The following STXBP6 variants were observed in gnomAD, a reference collection of about 807,000 sequenced individuals.
STXBP6 encodes syntaxin binding protein 6.
STXBP6 carries 21 observed loss-of-function variants against 26.9 expected under a neutral mutation model. The ratio of observed to expected loss-of-function variants is 0.78; its 90% CI spans 0.55 to 1.12. STXBP6 has a LOEUF of 1.12. Ranked by LOEUF, STXBP6 falls within the 50% of genes most tolerant of loss-of-function variation. The pLI is 0.00. For synonymous variants in STXBP6, 97 were observed against 92.6 expected (o/e 1.05, Z -0.27); for missense variants, 232 against 257.9 (o/e 0.90, Z 0.69).
At chr14:24,913,941 T>C (rs2071664962) in intron 2 of STXBP6, among the ~76,000 whole-genome samples, 1 of 152,108 alleles carries the variant, frequency 6.6e-6, no homozygotes, top group Non-Finnish European at 1.5e-5. Flanking sequence ...TTCCCTTTCA[T>C]CTCCTGAGCC....
chr14:24,867,419 C>T (rs1226325012), intron 2 of STXBP6, among the ~76,000 whole-genome samples: 1 of 152,122 alleles, frequency 6.6e-6, no homozygotes, highest in African/African-American at 2.4e-5. Context: ...AGACAATAAA[C>T]TAATCAGGAC....
At chr14:24,956,182 GA>G (rs369493364) in intron 2 of STXBP6, among the ~76,000 whole-genome samples, 869 of 148,754 alleles carry the variant, frequency 5.8e-3, no homozygotes, top group African/African-American at 0.02. Context: ...AATTAAGGGA[GA>G]AAAAAAAAAT....
chr14:24,870,982 T>C (rs1302414434), intron 2 of STXBP6, among the ~76,000 whole-genome samples: 2 of 152,200 alleles, frequency 1.3e-5, no homozygotes, highest in Non-Finnish European at 2.9e-5. Flanking sequence ...TCTTGTTATC[T>C]GCCACGGTGC....
intron 2 of STXBP6, among the ~76,000 whole-genome samples, chr14:24,949,395 A>G (rs911692360): frequency 1.3e-5 from 2 of 152,124 alleles, no homozygotes; most frequent in African/African-American, 4.8e-5. Context: ...AACTAAAGAG[A>G]TGGAAAGTGG....
In STXBP6 at chr14:24,991,017, GAA is replaced by G. The variant is rs202061723; in HGVS notation, c.-32-16169_-32-16168del. ...AGAAAAAGGAGAGTAGGAGGAGAGAGAAAGAGAAGAGAGACAGAAGAGAGAGG... is the reference window on the plus strand; with the variant it reads ...AGAAAAAGGAGAGTAGGAGGAGAGAGAGAGAAGAGAGACAGAAGAGAGAGG... On this transcript the variant is annotated intron_variant, in intron 1 of 5. Coordinates refer to ENST00000323944, the MANE Select transcript of STXBP6 (RefSeq NM_001394410.1). 6.9e-3 allele frequency among the ~76,000 whole-genome samples: 1,045 copies of G among 151,360 alleles called. 10 individuals carry two copies. Among genetic ancestry groups the G allele is most frequent in the African/African-American group, 0.024 (980 of 41,236 alleles).
In STXBP6 at chr14:25,049,385, G is replaced by C; in HGVS notation, c.-33+493C>G. 1 of 985,406 alleles carries C rather than the reference G, an allele frequency of 1.0e-6. No homozygotes were observed. The highest frequency in any genetic ancestry group is 1.2e-6 in the Non-Finnish European group (1 of 829,940). The allele number at this position is 985,406 out of a possible 1,614,324, so 61.0% of individuals were successfully genotyped here. ...GCCAGAAAAGCTCGCCTCAGTTTTGGCAGTAATGATTTTCCTAGAAGATGC... is the reference window on the plus strand; with the variant it reads ...GCCAGAAAAGCTCGCCTCAGTTTTGCCAGTAATGATTTTCCTAGAAGATGC... On this transcript the variant is annotated intron_variant, in intron 1 of 5. Coordinates refer to ENST00000323944, the MANE Select transcript of STXBP6 (RefSeq NM_001394410.1). This position sits in a 1 kb window ranked among gnomAD's most constrained non-coding sequence, Gnocchi z 5.6.
chr14:24,906,287 A>G (rs2071383940), intron 2 of STXBP6, among the ~76,000 whole-genome samples: 1 of 152,194 alleles, frequency 6.6e-6, no homozygotes, highest in Non-Finnish European at 1.5e-5. Flanking sequence ...GGTTAAAGAC[A>G]TATTAATGAT....
rs187036691 is a variant in STXBP6 at position 25,036,684 on chromosome 14, C to T, written c.-33+13194G>A. 4.2e-3 allele frequency among the ~76,000 whole-genome samples: 633 copies of T among 152,050 alleles called. 4 individuals carry two copies. The highest frequency in any genetic ancestry group is 0.014 in the African/African-American group (576 of 41,478). On this transcript the variant is annotated intron_variant, in intron 1 of 5. Transcript: ENST00000323944. ...CCTGGCTAACAGAGTGAAACCCCGTCTCTACTAAAAATATACAAAAAATTA... is the reference window on the plus strand; with the variant it reads ...CCTGGCTAACAGAGTGAAACCCCGTTTCTACTAAAAATATACAAAAAATTA...
At chr14:24,988,765 C>T (rs2074395445) in intron 1 of STXBP6, among the ~76,000 whole-genome samples, 1 of 152,118 alleles carries the variant, frequency 6.6e-6, no homozygotes, top group Non-Finnish European at 1.5e-5. Context: ...CTGCAGGGAA[C>T]CATTTCTGCA....
chr14:24,971,677 C>G (rs965984334), intron 2 of STXBP6, among the ~76,000 whole-genome samples: 1 of 152,188 alleles, frequency 6.6e-6, no homozygotes, highest in Non-Finnish European at 1.5e-5. Context: ...GCCCTCTCAC[C>G]CACACAATCC....
intron 2 of STXBP6, among the ~76,000 whole-genome samples, chr14:24,909,537 G>C (rs933344618): frequency 6.6e-6 from 1 of 151,950 alleles, no homozygotes; most frequent in East Asian, 2.0e-4. Flanking sequence ...TCCCAGCACT[G>C]TAGGAAGGCA....
At chr14:24,990,234 G>A (rs1325796792) in intron 1 of STXBP6, among the ~76,000 whole-genome samples, 1 of 152,180 alleles carries the variant, frequency 6.6e-6, no homozygotes, top group Admixed American at 6.5e-5. Flanking sequence ...GCTTCTGAAG[G>A]AAGCTTCCAA....
chr14:24,833,638 T>C (rs754159301), intron 4 of STXBP6, among the ~76,000 whole-genome samples: 9 of 152,260 alleles, frequency 5.9e-5, no homozygotes, highest in Admixed American at 2.6e-4. Context: ...TGTGCTATTG[T>C]AATCAGCATA....
intron 4 of STXBP6, among the ~76,000 whole-genome samples, chr14:24,820,803 G>GT (rs1216026245): frequency 6.6e-6 from 1 of 152,174 alleles, no homozygotes; most frequent in Non-Finnish European, 1.5e-5. Context: ...GCACAATACC[G>GT]TATCACTAGG....
At chr14:25,046,059 ACT>A (rs1380981675) in intron 1 of STXBP6, among the ~76,000 whole-genome samples, 1 of 152,162 alleles carries the variant, frequency 6.6e-6, no homozygotes. Context: ...ATGGGCCCTG[ACT>A]CTCTGTGACT....
At chr14:25,013,671 T>C (rs1383727331) in intron 1 of STXBP6, among the ~76,000 whole-genome samples, 1 of 150,278 alleles carries the variant, frequency 6.7e-6, no homozygotes, top group South Asian at 2.1e-4. Context: ...AACATTTAAC[T>C]CCATGAGATG....
chr14:24,955,787 C>T (rs984326338), intron 2 of STXBP6, among the ~76,000 whole-genome samples: 1 of 152,196 alleles, frequency 6.6e-6, no homozygotes, highest in African/African-American at 2.4e-5. Context: ...GAGACAACAA[C>T]CACAGTAAGA....
At chr14:24,858,140 T>C (rs577015047) in intron 2 of STXBP6, among the ~76,000 whole-genome samples, 1 of 152,140 alleles carries the variant, frequency 6.6e-6, no homozygotes, top group Non-Finnish European at 1.5e-5. Flanking sequence ...CCCCACAGAT[T>C]CCACACTTTC....
In STXBP6 at chr14:25,049,393, G is replaced by T; in HGVS notation, c.-33+485C>A. On this transcript the variant is annotated intron_variant, in intron 1 of 5. Transcript: ENST00000323944. This position sits in a 1 kb window ranked among gnomAD's most constrained non-coding sequence, Gnocchi z 5.6. Reference sequence around the variant, plus strand: ...AGCTCGCCTCAGTTTTGGCAGTAATGATTTTCCTAGAAGATGCCAGAGTTC... The same window carrying T: ...AGCTCGCCTCAGTTTTGGCAGTAATTATTTTCCTAGAAGATGCCAGAGTTC... 1 of 985,422 alleles carries T rather than the reference G, an allele frequency of 1.0e-6. No individual in the cohort carries two copies. The highest frequency in any genetic ancestry group is 4.7e-5 in the South Asian group (1 of 21,290). 61.0% of individuals were successfully genotyped at this position (985,422 alleles called of 1,614,324 possible).
Sources: gnomAD v4.1 joint callset for allele counts (sites outside exome capture counted in the v4.1 genomes callset) on GRCh38, gnomAD v4.1.1 for gene constraint, Gnocchi (gnomAD v3.1) non-coding constraint, MANE v1.5 for transcripts, NCBI Gene and HGNC (gene_info 2026-07-23, HGNC 2026-07-21) for gene names.